Variants in NAV2 observed in about 807,000 individuals in gnomAD.
The protein encoded by NAV2 is neuron navigator 2, also known as helicase, APC down-regulated 1.
In NAV2, 54 loss-of-function variants were observed where a neutral mutation model predicts 223.2. That is an observed-to-expected ratio of 0.24 (90% CI 0.19 to 0.30). The LOEUF is 0.30. NAV2 is among the 10% of genes least tolerant of loss of function. The probability of loss-of-function intolerance (pLI) is 1.00; values close to 1 mark genes in which losing one functional copy is unlikely to be tolerated. For synonymous variants in NAV2, 1,279 were observed against 1,239.3 expected (o/e 1.03, Z -0.67); for missense variants, 2,806 against 3,147.5 (o/e 0.89, Z 2.60).
chr11:20,100,311 A>C (rs1023406535), intron 31 of NAV2, among the ~76,000 whole-genome samples: 5 of 152,192 alleles, frequency 3.3e-5, no homozygotes, highest in African/African-American at 7.2e-5. Context: ...GTCCCAGCTA[A>C]CAACATTTCA....
intron 1 of NAV2, among the ~76,000 whole-genome samples, chr11:19,783,300 G>C (rs1329745001): frequency 6.6e-6 from 1 of 152,184 alleles, no homozygotes; most frequent in Non-Finnish European, 1.5e-5. Flanking sequence ...TCCTTTGTGG[G>C]ATTCAAGGCC....
intron 1 of NAV2, among the ~76,000 whole-genome samples, chr11:19,492,131 C>G (rs949857517): frequency 4.6e-5 from 7 of 152,088 alleles, no homozygotes; most frequent in Non-Finnish European, 8.8e-5. Context: ...TCATTGGTCA[C>G]CATAACAGAT....
chr11:19,705,818 C>T (rs1262572750), intron 1 of NAV2, among the ~76,000 whole-genome samples: 1 of 152,002 alleles, frequency 6.6e-6, no homozygotes, highest in Non-Finnish European at 1.5e-5. Context: ...GTTTTTTGTC[C>T]TCCTCAGTAG....
At chr11:19,439,943 TA>T (rs1851341201) in intron 1 of NAV2, among the ~76,000 whole-genome samples, 1 of 152,218 alleles carries the variant, frequency 6.6e-6, no homozygotes, top group Non-Finnish European at 1.5e-5. Context: ...CAAATTGGTT[TA>T]AAAAAATTAA....
chr11:20,051,410 G>T, intron 17 of NAV2, 77 bp downstream of exon 17: 2 of 1,412,324 alleles, frequency 1.4e-6, no homozygotes, highest in South Asian at 1.1e-5. Context: ...TTCATGGCTG[G>T]TGGGGGTTTG....
intron 1 of NAV2, among the ~76,000 whole-genome samples, chr11:19,449,420 C>G (rs1322372381): frequency 6.6e-6 from 1 of 151,822 alleles, no homozygotes; most frequent in Non-Finnish European, 1.5e-5. Context: ...AATGTGGGAG[C>G]CGAGAAGGAA....
chr11:20,095,606 C>T (rs2061199286), intron 29 of NAV2, 66 bp from the exon 30 acceptor site: 2 of 1,130,680 alleles, frequency 1.8e-6, no homozygotes, highest in Non-Finnish European at 2.7e-6. Flanking sequence ...CAACCTGAGT[C>T]CTCTGCTGAA....
intron 11 of NAV2, among the ~76,000 whole-genome samples, chr11:20,007,027 G>T (rs1050797668): frequency 2.0e-5 from 3 of 151,716 alleles, no homozygotes; most frequent in African/African-American, 7.3e-5. Flanking sequence ...CACAATCTCA[G>T]CTCACTGCAA....
At chr11:19,414,265 C>G (rs762073941) in intron 1 of NAV2, among the ~76,000 whole-genome samples, 7 of 151,942 alleles carry the variant, frequency 4.6e-5, no homozygotes, top group Non-Finnish European at 1.0e-4. Flanking sequence ...ACCAAACAAC[C>G]AACCAAACAA....
intron 1 of NAV2, among the ~76,000 whole-genome samples, chr11:19,793,139 C>CAG (rs1414296962): frequency 7.1e-6 from 1 of 141,150 alleles, no homozygotes; most frequent in African/African-American, 2.7e-5. Flanking sequence ...AACCCAGGTA[C>CAG]AGAGGTTGCA....
chr11:19,961,662 C>A (rs2048359975), intron 10 of NAV2, among the ~76,000 whole-genome samples: 1 of 152,182 alleles, frequency 6.6e-6, no homozygotes, highest in African/African-American at 2.4e-5. Flanking sequence ...TTCTTCCTTT[C>A]CTGAGCCTCC....
chr11:19,518,617 A>G (rs1370099687), intron 1 of NAV2: 1 of 152,206 alleles, frequency 6.6e-6, no homozygotes, highest in African/African-American at 2.4e-5. Flanking sequence ...TAATCATGTA[A>G]TTAGTTCATT....
intron 1 of NAV2, among the ~76,000 whole-genome samples, chr11:19,437,145 A>G (rs1169399483): frequency 6.6e-6 from 1 of 152,202 alleles, no homozygotes; most frequent in Non-Finnish European, 1.5e-5. Flanking sequence ...AATGTGATCT[A>G]TCACAAAGGA....
chr11:19,735,841 A>G (rs529363045), intron 1 of NAV2, among the ~76,000 whole-genome samples: 2 of 152,262 alleles, frequency 1.3e-5, no homozygotes, highest in African/African-American at 2.4e-5. Context: ...GGTAAAAATA[A>G]CATGCAAGGA....
intron 1 of NAV2, among the ~76,000 whole-genome samples, chr11:19,537,211 T>C (rs2044214026): frequency 6.6e-6 from 1 of 152,148 alleles, no homozygotes; most frequent in African/African-American, 2.4e-5. Flanking sequence ...TTTTATTTAA[T>C]TGTATAATAA....
At chr11:19,436,869 T>G (rs1459657138) in intron 1 of NAV2, among the ~76,000 whole-genome samples, 1 of 152,186 alleles carries the variant, frequency 6.6e-6, no homozygotes, top group Non-Finnish European at 1.5e-5. Flanking sequence ...TCATAATTTC[T>G]TTTTTCAAAT....
intron 1 of NAV2, among the ~76,000 whole-genome samples, chr11:19,565,182 C>T (rs149947439): frequency 8.5e-5 from 13 of 152,138 alleles, no homozygotes; most frequent in African/African-American, 2.9e-4. Context: ...CTAGTGTGTG[C>T]CCAGTATGTT....
At chr11:19,360,158 C>T (rs1407792619) in intron 1 of NAV2, among the ~76,000 whole-genome samples, 1 of 152,218 alleles carries the variant, frequency 6.6e-6, no homozygotes, top group African/African-American at 2.4e-5. Flanking sequence ...TGGCCCCCAT[C>T]CTGTCTTTGG....
chr11:19,474,596 G>T (rs1351870377), intron 1 of NAV2, among the ~76,000 whole-genome samples: 1 of 152,222 alleles, frequency 6.6e-6, no homozygotes, highest in Non-Finnish European at 1.5e-5. Context: ...ATGGAGTGAA[G>T]GAGTGGATGA....
Sources: allele counts gnomAD v4.1 joint callset (sites outside exome capture counted in the v4.1 genomes callset), GRCh38; gene constraint gnomAD v4.1.1; transcripts MANE v1.5; gene names NCBI Gene and HGNC (gene_info 2026-07-23, HGNC 2026-07-21).